PLCXD3: variants seen among roughly 807,000 people sequenced by gnomAD.
PLCXD3 encodes the protein PI-PLC X domain-containing protein 3.
Under a neutral mutation model 25.5 loss-of-function variants are expected in PLCXD3, and 19 were observed. The observed-to-expected ratio is 0.75, with a 90% CI of 0.52 to 1.09. The LOEUF is 1.09. PLCXD3 is among the 50% of genes least tolerant of loss of function. The pLI is 0.00. For missense variants in PLCXD3, 411 were observed against 388.1 expected (o/e 1.06, Z -0.50); for synonymous variants, 174 against 137.6 (o/e 1.26, Z -1.85).
Position 41,372,097 on chromosome 5 carries a change from C to T in PLCXD3, c.812+9729G>A, listed in dbSNP as rs146832637. Reference sequence around the variant, plus strand: ...CTACCCCCATCGACCTACCTCCTTTCAACTTTTTTTTGTGAGTGCTAGCTA... The same window carrying T: ...CTACCCCCATCGACCTACCTCCTTTTAACTTTTTTTTGTGAGTGCTAGCTA... On this transcript the variant is annotated intron_variant, in intron 2 of 2. Coordinates refer to ENST00000377801, the MANE Select transcript of PLCXD3 (RefSeq NM_001005473.3). 8.2e-4 allele frequency among the ~76,000 whole-genome samples: 125 copies of T among 152,030 alleles called. 1 individual carries two copies. The highest frequency in any genetic ancestry group is 7.7e-3 in the Admixed American group (118 of 15,266).
intron 1 of PLCXD3, among the ~76,000 whole-genome samples, chr5:41,426,667 A>C (rs1384750362): frequency 6.6e-6 from 1 of 152,026 alleles, no homozygotes; most frequent in Admixed American, 6.6e-5. Context: ...TTTGCTTTTA[A>C]TTCTCTGCCC....
At chr5:41,417,169 A>G (rs887150192) in intron 1 of PLCXD3, among the ~76,000 whole-genome samples, 6 of 152,222 alleles carry the variant, frequency 3.9e-5, no homozygotes, top group Non-Finnish European at 7.4e-5. Context: ...AGGGCTCCCT[A>G]CATGACACTT....
chr5:41,310,309 T>G lies in PLCXD3; in HGVS notation c.*3308A>C, dbSNP rs965945248. ...GGAAATCAAACTTAAAAATGATCTC[T>G]TTGCATATTTTCTCTCATTCCACCC... On this transcript the variant is annotated 3_prime_UTR_variant, in exon 3 of 3. Transcript: ENST00000377801. 5 of 152,166 alleles carry G rather than the reference T, an allele frequency of 3.3e-5. No homozygotes were observed. Among genetic ancestry groups the G allele is most frequent in the Non-Finnish European group, 5.9e-5 (4 of 68,026 alleles). 9.4% of individuals were successfully genotyped at this position (152,166 alleles called of 1,614,324 possible).
At chr5:41,473,213 G>C (rs1455428117) in intron 1 of PLCXD3, among the ~76,000 whole-genome samples, 2 of 151,968 alleles carry the variant, frequency 1.3e-5, no homozygotes, top group Non-Finnish European at 2.9e-5. Context: ...AGGATTAACA[G>C]TATTTCAAAA....
intron 1 of PLCXD3, among the ~76,000 whole-genome samples, chr5:41,446,199 A>AAAAAAAAAAAAAAAAAC: frequency 7.0e-6 from 1 of 143,672 alleles, no homozygotes; most frequent in African/African-American, 2.6e-5. Context: ...AAAAAAAAAA[A>AAAAAAAAAAAAAAAAAC]AAGAACAACG....
intron 2 of PLCXD3, among the ~76,000 whole-genome samples, chr5:41,316,628 G>T (rs779868539): frequency 6.6e-6 from 1 of 152,144 alleles, no homozygotes; most frequent in African/African-American, 2.4e-5. Flanking sequence ...GGAGCCCACT[G>T]CCCTGAAGGG....
At chr5:41,487,040 C>CTT (rs34369655) in intron 1 of PLCXD3, among the ~76,000 whole-genome samples, 105 of 151,906 alleles carry the variant, frequency 6.9e-4, no homozygotes, top group Non-Finnish European at 1.3e-3. Flanking sequence ...AAATAACATA[C>CTT]TTTTTTTTCT....
At position 41,330,340 on chromosome 5, in the gene PLCXD3, A is replaced by G. The variant is rs186986694; in HGVS notation, c.813-16570T>C. Among the ~76,000 whole-genome samples the G allele has an allele frequency of 4.9e-4, 75 of 152,340 alleles. No homozygotes were observed. In the East Asian group the frequency reaches 9.5e-3, roughly 19 times the overall value. ...CACCTCTACGCAAATAAACTAGAAA[A>G]TCAAGAAGAAATGGATAAATTCCTC... is the stretch of plus-strand genomic sequence containing the variant. On this transcript the variant is annotated intron_variant, in intron 2 of 2. Coordinates refer to ENST00000377801, the MANE Select transcript of PLCXD3 (RefSeq NM_001005473.3).
At chr5:41,414,915 G>A (rs898323702) in intron 1 of PLCXD3, among the ~76,000 whole-genome samples, 1 of 152,146 alleles carries the variant, frequency 6.6e-6, no homozygotes, top group African/African-American at 2.4e-5. Flanking sequence ...TATTTTATGC[G>A]ATAATGGCCT....
intron 2 of PLCXD3, among the ~76,000 whole-genome samples, chr5:41,334,229 C>T (rs879821803): frequency 6.6e-6 from 1 of 151,940 alleles, no homozygotes; most frequent in Admixed American, 6.6e-5. Context: ...TCAATTTTCT[C>T]CATTTGTAAG....
intron 1 of PLCXD3, among the ~76,000 whole-genome samples, chr5:41,406,936 A>G (rs1452017269): frequency 2.6e-5 from 4 of 151,556 alleles, no homozygotes; most frequent in African/African-American, 9.8e-5. Context: ...TTAGCATTCA[A>G]CTCGCCTAAA....
At chr5:41,353,300 A>C (rs1162811355) in intron 2 of PLCXD3, among the ~76,000 whole-genome samples, 1 of 150,380 alleles carries the variant, frequency 6.6e-6, no homozygotes, top group Non-Finnish European at 1.5e-5. Flanking sequence ...ACAGGGTTTC[A>C]CTGTGTTTGC....
At chr5:41,350,513 A>T (rs1018104399) in intron 2 of PLCXD3, among the ~76,000 whole-genome samples, 7 of 152,200 alleles carry the variant, frequency 4.6e-5, no homozygotes. Flanking sequence ...CTTAGAGTAT[A>T]GATGCATTCC....
At chr5:41,338,190 A>G (rs1482236470) in intron 2 of PLCXD3, among the ~76,000 whole-genome samples, 1 of 152,160 alleles carries the variant, frequency 6.6e-6, no homozygotes, top group Non-Finnish European at 1.5e-5. Flanking sequence ...TGTTTCCTGA[A>G]TTAAATTCCA....
chr5:41,502,801 G>A (rs1211450560), intron 1 of PLCXD3, among the ~76,000 whole-genome samples: 1 of 152,138 alleles, frequency 6.6e-6, no homozygotes, highest in Non-Finnish European at 1.5e-5. Flanking sequence ...CAGAAAAAGT[G>A]AGACGAGAAC....
At chr5:41,315,892 C>A (rs766970754) in intron 2 of PLCXD3, among the ~76,000 whole-genome samples, 1 of 152,214 alleles carries the variant, frequency 6.6e-6, no homozygotes, top group Non-Finnish European at 1.5e-5. Flanking sequence ...CAGATCCCAG[C>A]AGTCAGAACT....
At chr5:41,469,007 A>G (rs1019225706) in intron 1 of PLCXD3, among the ~76,000 whole-genome samples, 6 of 152,184 alleles carry the variant, frequency 3.9e-5, no homozygotes, top group Non-Finnish European at 7.4e-5. Flanking sequence ...GATGTCAGCT[A>G]CAGGTTTGTT....
chr5:41,310,808 A>G lies in PLCXD3; in HGVS notation c.*2809T>C, dbSNP rs886134294. 2.0e-5 allele frequency: 3 copies of G among 152,702 alleles called. 1 individual carries two copies. Among genetic ancestry groups the G allele is most frequent in the African/African-American group, 7.2e-5 (3 of 41,568 alleles). The allele number at this position is 152,702 out of a possible 1,614,324, so 9.5% of individuals were successfully genotyped here. ...AGTCCATTTACTCTAAGTGCCTGCT[A>G]CATAGGCACTGTATGTCCACATGGA... On this transcript the variant is annotated 3_prime_UTR_variant, in exon 3 of 3. Transcript: ENST00000377801.
intron 1 of PLCXD3, among the ~76,000 whole-genome samples, chr5:41,383,927 T>C (rs79475964): frequency 0.11 from 16,278 of 152,054 alleles, 1,052 homozygotes; most frequent in Admixed American, 0.17. Context: ...CATTTATGTA[T>C]ATATATCCAT....
Sources: gnomAD v4.1 joint callset for allele counts (sites outside exome capture counted in the v4.1 genomes callset) on GRCh38, gnomAD v4.1.1 for gene constraint, MANE v1.5 for transcripts, NCBI Gene and HGNC (gene_info 2026-07-23, HGNC 2026-07-21) for gene names.